The following BSN variants were observed in gnomAD, a reference collection of about 807,000 sequenced individuals.
The protein encoded by BSN is bassoon presynaptic cytomatrix protein.
In BSN, 57 loss-of-function variants were observed where a neutral mutation model predicts 264.8. The ratio of observed to expected loss-of-function variants is 0.22; its 90% CI spans 0.17 to 0.27. BSN has a LOEUF of 0.27. BSN is among the 10% of genes least tolerant of loss of function. The probability of loss-of-function intolerance (pLI) is 1.00; values close to 1 mark genes in which losing one functional copy is unlikely to be tolerated. For missense variants in BSN, 4,615 were observed against 5,232.5 expected, an observed-to-expected ratio of 0.88 and a Z score of 3.64; for synonymous variants, 2,059 against 2,137.3, an observed-to-expected ratio of 0.96 and a Z score of 1.01.
At position 49,614,840 on chromosome 3, in the gene BSN, A is replaced by G. The variant is rs61703429; in HGVS notation, c.225-10135A>G. On this transcript the variant is annotated intron_variant, in intron 1 of 11. Coordinates refer to ENST00000296452, the MANE Select transcript of BSN (RefSeq NM_003458.4). Reference sequence around the variant, plus strand: ...CCCAGAGGAAACCAAAAGCAAATCAATTTTCCCTGAAAGATGTTCTCAATC... The same window carrying G: ...CCCAGAGGAAACCAAAAGCAAATCAGTTTTCCCTGAAAGATGTTCTCAATC... 4.0e-3 allele frequency among the ~76,000 whole-genome samples: 612 copies of G among 152,132 alleles called. 5 individuals carry two copies. The highest frequency in any genetic ancestry group is 0.014 in the African/African-American group (568 of 41,496).
At chr3:49,605,477 T>TTATATATAA (rs1334374239) in intron 1 of BSN, among the ~76,000 whole-genome samples, 1 of 5,576 alleles carries the variant, frequency 1.8e-4, no homozygotes, top group African/African-American at 7.3e-4. Flanking sequence ...ATAATATATA[T>TTATATATAA]TATATAATAT....
chr3:49,634,693 A>G (rs767605818), intron 2 of BSN, among the ~76,000 whole-genome samples: 1 of 152,230 alleles, frequency 6.6e-6, no homozygotes, highest in African/African-American at 2.4e-5. Context: ...TGTCCGGCCA[A>G]AAATAATGCT....
At chr3:49,611,241 T>TTG (rs2108045839) in intron 1 of BSN, among the ~76,000 whole-genome samples, 1 of 152,318 alleles carries the variant, frequency 6.6e-6, no homozygotes, top group East Asian at 1.9e-4. Context: ...AAGCACAGCA[T>TTG]TGTCCCCTTG....
Position 49,663,126 on chromosome 3 carries a change from C to T in BSN, c.10968C>T (p.Arg3656=). The change falls in exon 7 of 12, where the codon CGC becomes CGT. Residue 3656 remains arginine (R), a synonymous_variant. Transcript: ENST00000296452. The part of the protein sequence containing the change: ...RHGDHGRHSG[R]HTGEEPGRRA... ...GTGACCACGGGCGGCACTCAGGCCG[C>T]CACACTGGTGAGGAGCCGGGACGGC... 2 of 1,612,108 alleles carry T rather than the reference C, an allele frequency of 1.2e-6. No individual in the cohort carries two copies. The highest frequency in any genetic ancestry group is 1.7e-6 in the Non-Finnish European group (2 of 1,179,700).
intron 1 of BSN, among the ~76,000 whole-genome samples, chr3:49,597,175 T>C (rs2052029990): frequency 6.6e-6 from 1 of 152,194 alleles, no homozygotes; most frequent in Non-Finnish European, 1.5e-5. Flanking sequence ...GTCCCACATT[T>C]CTTTGAGGCC....
intron 2 of BSN, among the ~76,000 whole-genome samples, chr3:49,626,761 C>G (rs1038941114): frequency 6.6e-6 from 1 of 152,198 alleles, no homozygotes; most frequent in Non-Finnish European, 1.5e-5. Context: ...CTGGCCTTGC[C>G]CCTCTGGGTT....
rs1303961197 is a variant in BSN at position 49,585,381 on chromosome 3, C to G, written c.224+30555C>G. On this transcript the variant is annotated intron_variant, in intron 1 of 11. Transcript: ENST00000296452. This position sits in a 1 kb window ranked among gnomAD's most constrained non-coding sequence, Gnocchi z 4.7. ...TTTCACTAATTATTTCCTCTCGGAA[C>G]TCCTCCCCTCGTGCTTCTTCCTCTG... is the stretch of plus-strand genomic sequence containing the variant. Among the ~76,000 whole-genome samples the G allele has an allele frequency of 6.6e-6, 1 of 152,214 alleles. No homozygotes were observed. The highest frequency in any genetic ancestry group is 1.5e-5 in the Non-Finnish European group (1 of 68,038).
In BSN at chr3:49,657,358, G is replaced by A. The variant is rs754421677; in HGVS notation, c.7802G>A (p.Arg2601Gln). The change falls in exon 5 of 12, where the codon CGA becomes CAA. Residue 2601 changes from arginine to glutamine, a missense_variant. Physicochemically the swap from Arg to Gln is conservative, Grantham distance 43 (BLOSUM62 1). Transcript: ENST00000296452. ...GAGAGCCGCTACCTCTTGAGTCGGC[G>A]ACGCCGGGCACGGCGGAGTGCTGAC... ...DGESRYLLSR[R>Q]RRARRSADCS... is the part of the protein sequence containing the mutation. 17 of 1,613,236 alleles carry A rather than the reference G, an allele frequency of 1.1e-5. No individual in the cohort carries two copies. Among genetic ancestry groups the A allele is most frequent in the Middle Eastern group, 1.6e-4 (1 of 6,084 alleles).
Position 49,657,646 on chromosome 3 carries a change from A to C in BSN, c.8090A>C (p.Lys2697Thr). Residue 2697 changes from lysine (K) to threonine (T), a missense_variant, in exon 5 of 12, where the codon AAG becomes ACG. By Grantham distance (78) the Lys-to-Thr change is moderately conservative. Around this residue, in one of 3 missense-constraint regions of BSN, gnomAD observed 3,415 missense variants for 3,866.4 expected, o/e 0.88. Coordinates refer to ENST00000296452, the MANE Select transcript of BSN (RefSeq NM_003458.4). Reference protein sequence around the residue: ...AIHITAATDPKVEIVRYISAP... With the variant: ...AIHITAATDPTVEIVRYISAP... ...CACATCACAGCTGCCACCGATCCCA[A>C]GGTGGAGATCGTCAGGTACATATCG... is the stretch of plus-strand genomic sequence containing the variant. The C allele has an allele frequency of 6.3e-7, 1 of 1,593,890 alleles. No individual in the cohort carries two copies. Among genetic ancestry groups the C allele is most frequent in the Non-Finnish European group, 8.6e-7 (1 of 1,167,070 alleles).
At chr3:49,613,303 CGAGAGAGAGAGAGAGAGAGA>C (rs752108805) in intron 1 of BSN, among the ~76,000 whole-genome samples, 6 of 47,332 alleles carry the variant, frequency 1.3e-4, no homozygotes, top group African/African-American at 4.2e-4. Flanking sequence ...ACACACAGAG[CGAGAGAGAGAGAGAGAGAGA>C]GAGAGAGAGA....
At chr3:49,672,290 C>T (rs2052789703), downstream of BSN, among the ~76,000 whole-genome samples, 1 of 152,124 alleles carries the variant, frequency 6.6e-6, no homozygotes, top group East Asian at 1.9e-4. Context: ...AGCCAGTCTA[C>T]CACACACAAT....
At chr3:49,645,709 A>G (rs897029191) in intron 3 of BSN, among the ~76,000 whole-genome samples, 3 of 152,174 alleles carry the variant, frequency 2.0e-5, no homozygotes, top group Non-Finnish European at 4.4e-5. Flanking sequence ...ACCTCAGTCA[A>G]TGGCCACTTG....
At chr3:49,619,519 TTGTA>T (rs2052287831) in intron 1 of BSN, among the ~76,000 whole-genome samples, 1 of 152,218 alleles carries the variant, frequency 6.6e-6, no homozygotes, top group African/African-American at 2.4e-5. Flanking sequence ...CATGATGGCT[TTGTA>T]TGTTACTTAA....
chr3:49,663,341 C>T lies in BSN; in HGVS notation c.11183C>T (p.Ala3728Val), dbSNP rs200713966. The T allele has an allele frequency of 6.2e-5, 100 of 1,613,720 alleles. 2 individuals are homozygous for T. Among genetic ancestry groups the T allele is most frequent in the Middle Eastern group, 3.3e-4 (2 of 6,062 alleles). ...ASDSKKGSRQ[A>V]HSGPAALQSK... Reference sequence around the variant, plus strand: ...GACAGCAAGAAGGGCTCCCGGCAAGCCCACTCCGGGCCCGCTGCACTGCAG... The same window carrying T: ...GACAGCAAGAAGGGCTCCCGGCAAGTCCACTCCGGGCCCGCTGCACTGCAG... The change falls in exon 7 of 12, where the codon GCC becomes GTC. Residue 3728 changes from alanine (A) to valine (V), a missense_variant. Physicochemically the swap from Ala to Val is moderately conservative, Grantham distance 64. Transcript: ENST00000296452.
Position 49,606,329 on chromosome 3 carries a change from A to ATATAATATATATTAAAATATATAT in BSN, c.225-18642_225-18641insATATATATTAAAATATATATTATA. Among the ~76,000 whole-genome samples, 3 of 50,802 alleles carry ATATAATATATATTAAAATATATAT rather than the reference A, an allele frequency of 5.9e-5. No homozygotes were observed. The South Asian group carries it at 3.4e-3, about 57-fold the overall frequency. The allele number at this position is 50,802 out of a possible 152,430, so 33.3% of individuals were successfully genotyped here. A position where few individuals can be genotyped will look rare whatever the true frequency, so the allele number is the denominator to read the frequency against. On this transcript the variant is annotated intron_variant, in intron 1 of 11. Coordinates refer to ENST00000296452, the MANE Select transcript of BSN (RefSeq NM_003458.4). ...TATATATAATATATATTAAAAATATATATATATTTTTGGCATGACTCTGCT... is the reference window on the plus strand; with the variant it reads ...TATATATAATATATATTAAAAATATATATAATATATATTAAAATATATATTATATATTTTTGGCATGACTCTGCT...
In BSN at chr3:49,660,838, A is replaced by G. The variant is rs1312606884; in HGVS notation, c.8993A>G (p.Asp2998Gly). The G allele has an allele frequency of 6.2e-7, 1 of 1,612,966 alleles. No homozygotes were observed. Among genetic ancestry groups the G allele is most frequent in the East Asian group, 2.2e-5 (1 of 44,876 alleles). ...ESLAKDRGGR[D>G]YPPLRGLGEH... ...TTGGCCAAAGACCGGGGTGGCCGTGACTACCCACCCTTGCGTGGTCTTGGC... is the reference window on the plus strand; with the variant it reads ...TTGGCCAAAGACCGGGGTGGCCGTGGCTACCCACCCTTGCGTGGTCTTGGC... The change falls in exon 6 of 12, where the codon GAC becomes GGC. Residue 2998 changes from aspartate (D) to glycine (G), a missense_variant. Around this residue, in one of 3 missense-constraint regions of BSN, gnomAD observed 3,415 missense variants for 3,866.4 expected, o/e 0.88. Coordinates refer to ENST00000296452, the MANE Select transcript of BSN (RefSeq NM_003458.4). This position sits in a 1 kb window ranked among gnomAD's most constrained non-coding sequence, Gnocchi z 7.1.
intron 1 of BSN, among the ~76,000 whole-genome samples, chr3:49,578,442 C>G (rs2051864295): frequency 6.6e-6 from 1 of 151,148 alleles, no homozygotes; most frequent in Admixed American, 6.6e-5. Context: ...GAGTCTCGCT[C>G]TGTCGCTCAG....
In BSN at chr3:49,625,663, A is replaced by G. The variant is rs1165317481; in HGVS notation, c.633+280A>G. Among the ~76,000 whole-genome samples, 2 of 152,190 alleles carry G rather than the reference A, an allele frequency of 1.3e-5. No homozygotes were observed. The highest frequency in any genetic ancestry group is 2.4e-5 in the African/African-American group (1 of 41,450). On this transcript the variant is annotated intron_variant, in intron 2 of 11. Coordinates refer to ENST00000296452, the MANE Select transcript of BSN (RefSeq NM_003458.4). The surrounding 1 kb of genome is among the most constrained non-coding windows in gnomAD (Gnocchi z 4.4). ...ACCTGGTCCAAGTTTGGTCTGGAAAAATGGCCTTCGAGAGGACCAAAGACA... is the reference window on the plus strand; with the variant it reads ...ACCTGGTCCAAGTTTGGTCTGGAAAGATGGCCTTCGAGAGGACCAAAGACA...
rs1328475874 is a variant in BSN at position 49,670,980 on chromosome 3, A to G, written c.*3495A>G. The G allele has an allele frequency of 6.6e-6, 1 of 152,300 alleles. No individual in the cohort carries two copies. The highest frequency in any genetic ancestry group is 1.9e-4 in the East Asian group (1 of 5,182). 9.4% of individuals were successfully genotyped at this position (152,300 alleles called of 1,614,324 possible). A position where few individuals can be genotyped will look rare whatever the true frequency, so the allele number is the denominator to read the frequency against. On this transcript the variant is annotated 3_prime_UTR_variant, in exon 12 of 12. Coordinates refer to ENST00000296452, the MANE Select transcript of BSN (RefSeq NM_003458.4). ...TAAATACTTGTCATCATGGACTCCA[A>G]CAGGGTTAGAGGGACAGGCCTAATC...
Sources: gnomAD v4.1 joint callset for allele counts (sites outside exome capture counted in the v4.1 genomes callset) on GRCh38, gnomAD v4.1.1 for gene constraint, gnomAD v4.1.1 regional missense constraint, Gnocchi (gnomAD v3.1) non-coding constraint, MANE v1.5 for transcripts, NCBI Gene and HGNC (gene_info 2026-07-23, HGNC 2026-07-21) for gene names.